Variants in TRMT11 observed in about 807,000 individuals in gnomAD.
The protein encoded by TRMT11 is tRNA (guanine(10)-N(2))-methyltransferase TRMT11.
TRMT11 carries 53 observed loss-of-function variants against 62.8 expected under a neutral mutation model. That is an observed-to-expected ratio of 0.84 (90% CI 0.68 to 1.06). The LOEUF is 1.06. Ranked by LOEUF, TRMT11 falls within the 50% of genes least tolerant of loss-of-function variation. The pLI, the probability that TRMT11 is intolerant of heterozygous loss-of-function variation, is 0.00. For synonymous variants in TRMT11, 188 were observed against 190.3 expected (o/e 0.99, Z 0.10); for missense variants, 556 against 553.4 (o/e 1.00, Z -0.05).
intron 1 of TRMT11, among the ~76,000 whole-genome samples, chr6:126,184,670 C>G (rs73771410): frequency 0.045 from 6,838 of 152,078 alleles, 510 homozygotes; most frequent in African/African-American, 0.15. Flanking sequence ...TCCTTCAGAC[C>G]TTCTTGGGCT....
the TRMT11 span, among the ~76,000 whole-genome samples, chr6:126,251,744 G>C: frequency 6.6e-6 from 1 of 152,080 alleles, no homozygotes; most frequent in Non-Finnish European, 1.5e-5. Flanking sequence ...AGCCAGATAG[G>C]GTCCAGGGAA....
At chr6:126,153,800 G>A (rs1382541064) in intron 21 of TRMT11, among the ~76,000 whole-genome samples, 1 of 152,210 alleles carries the variant, frequency 6.6e-6, no homozygotes, top group Non-Finnish European at 1.5e-5. Context: ...AACTGTTTAA[G>A]CAATGTATGC....
In TRMT11 at chr6:125,989,165, T is replaced by C. The variant is rs958588939; in HGVS notation, c.72+2543T>C. ...TTTTTTTTGAGACGGAGTCTCGCTC[T>C]GTTGCCAGGCTGGAGTGCAGTGGCG... On this transcript the variant is annotated intron_variant, in intron 1 of 12. Transcript: ENST00000334379. 2.7e-5 allele frequency among the ~76,000 whole-genome samples: 4 copies of C among 146,856 alleles called. No homozygotes were observed. In the Admixed American group the frequency reaches 2.8e-4, roughly 10 times the overall value.
chr6:126,072,162 T>C (rs1207030590), intron 17 of TRMT11, among the ~76,000 whole-genome samples: 1 of 152,148 alleles, frequency 6.6e-6, no homozygotes, highest in Admixed American at 6.5e-5. Flanking sequence ...CTGACAAAAA[T>C]ATTTACTCAC....
downstream of TRMT11, among the ~76,000 whole-genome samples, chr6:126,203,105 G>A (rs940208598): frequency 1.1e-4 from 17 of 152,182 alleles, no homozygotes; most frequent in Non-Finnish European, 1.3e-4. Context: ...GCTTGTGAGT[G>A]AGCATGAGAC....
chr6:126,072,918 C>A (rs1776899658), intron 17 of TRMT11, among the ~76,000 whole-genome samples: 1 of 152,190 alleles, frequency 6.6e-6, no homozygotes, highest in Non-Finnish European at 1.5e-5. Flanking sequence ...CAGACTTCAA[C>A]ATATGGATTT....
intron 16 of TRMT11, among the ~76,000 whole-genome samples, chr6:126,046,329 A>G (rs1014680561): frequency 1.3e-5 from 2 of 152,208 alleles, no homozygotes; most frequent in African/African-American, 4.8e-5. Context: ...TACTGAGTCA[A>G]AGGGTCCCCA....
chr6:125,987,651 G>A (rs995538478), intron 1 of TRMT11, among the ~76,000 whole-genome samples: 19 of 152,194 alleles, frequency 1.2e-4, no homozygotes, highest in African/African-American at 4.3e-4. Flanking sequence ...CCTAGGGCAA[G>A]GAGTAAGAGG....
intron 7 of TRMT11, among the ~76,000 whole-genome samples, chr6:126,001,142 A>G (rs1792410935): frequency 6.6e-6 from 1 of 152,142 alleles, no homozygotes; most frequent in South Asian, 2.1e-4. Flanking sequence ...TACTGTTTTC[A>G]GTGTTAATAG....
chr6:126,176,160 A>G (rs1336364547), upstream of TRMT11, among the ~76,000 whole-genome samples: 1 of 152,222 alleles, frequency 6.6e-6, no homozygotes, highest in African/African-American at 2.4e-5. Context: ...AAGGAAGTCA[A>G]AATGATGAAG....
intron 1 of TRMT11, among the ~76,000 whole-genome samples, chr6:126,194,954 A>C (rs1406976293): frequency 6.6e-6 from 1 of 152,208 alleles, no homozygotes; most frequent in Non-Finnish European, 1.5e-5. Context: ...ATCTCTATAA[A>C]AAATAAAAAA....
chr6:126,220,748 G>A, the TRMT11 span, among the ~76,000 whole-genome samples: 1 of 150,424 alleles, frequency 6.6e-6, no homozygotes, highest in South Asian at 2.1e-4. Flanking sequence ...TTTCAAATCT[G>A]GATGTCTATT....
the TRMT11 span, among the ~76,000 whole-genome samples, chr6:126,233,156 T>C: frequency 6.6e-6 from 1 of 152,194 alleles, no homozygotes; most frequent in African/African-American, 2.4e-5. Flanking sequence ...CAAATCACAT[T>C]GAAGAGATCA....
chr6:126,008,142 A>C (rs542523267), intron 7 of TRMT11, among the ~76,000 whole-genome samples: 3 of 152,144 alleles, frequency 2.0e-5, no homozygotes, highest in African/African-American at 7.2e-5. Flanking sequence ...GACCAAAAAA[A>C]AGATAAAATA....
At chr6:126,026,959 C>T (rs1012965359) in intron 12 of TRMT11, among the ~76,000 whole-genome samples, 1 of 151,468 alleles carries the variant, frequency 6.6e-6, no homozygotes, top group African/African-American at 2.4e-5. Flanking sequence ...CCTGCCACCC[C>T]GTCCGGCTAA....
the TRMT11 span, among the ~76,000 whole-genome samples, chr6:126,258,665 T>C: frequency 2.0e-3 from 309 of 152,388 alleles, 1 homozygote; most frequent in African/African-American, 7.1e-3. Flanking sequence ...TGTTGGAGTA[T>C]AGTTGTTCAC....
intron 21 of TRMT11, among the ~76,000 whole-genome samples, chr6:126,135,295 G>T (rs999887651): frequency 2.0e-5 from 3 of 151,600 alleles, no homozygotes; most frequent in African/African-American, 7.3e-5. Flanking sequence ...AATCAGAAAT[G>T]AGAAAGGAAC....
intron 17 of TRMT11, among the ~76,000 whole-genome samples, chr6:126,074,459 A>C (rs1776952041): frequency 6.6e-6 from 1 of 152,180 alleles, no homozygotes; most frequent in African/African-American, 2.4e-5. Context: ...GTGTGGAAAT[A>C]TCTAAGCTCA....
At chr6:126,242,497 C>T in the TRMT11 span, among the ~76,000 whole-genome samples, 1 of 152,176 alleles carries the variant, frequency 6.6e-6, no homozygotes, top group Non-Finnish European at 1.5e-5. Context: ...GCCAAAAGAA[C>T]AAAGCTGGAG....
Sources: gnomAD v4.1 joint callset for allele counts (sites outside exome capture counted in the v4.1 genomes callset) on GRCh38, gnomAD v4.1.1 for gene constraint, MANE v1.5 for transcripts, NCBI Gene and HGNC (gene_info 2026-07-23, HGNC 2026-07-21) for gene names.